The following CD79B variants were observed in gnomAD, a reference collection of about 807,000 sequenced individuals.
CD79B encodes B-cell antigen receptor complex-associated protein beta chain.
A neutral mutation model predicts 30.0 loss-of-function variants in CD79B; 7 were observed. The ratio of observed to expected loss-of-function variants is 0.23; its 90% CI spans 0.13 to 0.44. The LOEUF is 0.44. CD79B is among the 20% of genes least tolerant of loss of function. CD79B has a pLI of 1.00. For synonymous variants in CD79B, 118 were observed against 119.2 expected, an observed-to-expected ratio of 0.99 and a Z score of 0.07; for missense variants, 218 against 299.1, an observed-to-expected ratio of 0.73 and a Z score of 2.00.
chr17:63,931,377 C>A lies in CD79B; in HGVS notation c.76G>T (p.Val26Leu). 1.2e-6 allele frequency: 2 copies of A among 1,614,100 alleles called. No individual in the cohort carries two copies. Among genetic ancestry groups the A allele is most frequent in the Non-Finnish European group, 1.7e-6 (2 of 1,180,014 alleles). The change falls in exon 2 of 6, where the codon GTA becomes TTA. Residue 26 changes from valine (V) to leucine (L), a missense_variant. By Grantham distance (32) the Val-to-Leu change is conservative. Coordinates refer to ENST00000006750, the MANE Select transcript of CD79B (RefSeq NM_000626.4). ...CGGTCCTCCGATCTGGCTGCTGGTA[C>A]TGGCTCAGCTGCTGGGTGGGAGGAA... ...ALLLLLSAEP[V>L]PAARSEDRYR...
In CD79B at chr17:63,929,150, G is replaced by A; in HGVS notation, c.*76C>T. 1.0e-6 allele frequency: 1 copy of A among 999,980 alleles called. No individual in the cohort carries two copies. The highest frequency in any genetic ancestry group is 1.6e-6 in the Non-Finnish European group (1 of 624,902). 61.9% of individuals were successfully genotyped at this position (999,980 alleles called of 1,614,324 possible). On this transcript the variant is annotated 3_prime_UTR_variant, in exon 6 of 6. Coordinates refer to ENST00000006750, the MANE Select transcript of CD79B (RefSeq NM_000626.4). ...GCTGGGGGGTCCAGGAAAGGGGTTG[G>A]GCCATGAGCCAGGCAGCTCCGAAGC...
In CD79B at chr17:63,932,176, C is replaced by T. The variant is rs770040383; in HGVS notation, c.67+19G>A. 1.9e-6 allele frequency: 3 copies of T among 1,611,060 alleles called. No individual in the cohort carries two copies. The highest frequency in any genetic ancestry group is 3.3e-5 in the Admixed American group (2 of 60,022). On this transcript the variant is annotated intron_variant, in intron 1 of 5. Transcript: ENST00000006750. ...GGAGATGAGAGCAAACCCCACAGGCCTCGTCGTGGGTTCTGTACCTGAGAG... is the reference window on the plus strand; with the variant it reads ...GGAGATGAGAGCAAACCCCACAGGCTTCGTCGTGGGTTCTGTACCTGAGAG...
At position 63,930,249 on chromosome 17, in the gene CD79B, A is replaced by G. The variant is rs762226211; in HGVS notation, c.255T>C (p.Asn85=). The G allele has an allele frequency of 3.0e-5, 48 of 1,613,948 alleles. No homozygotes were observed. Among genetic ancestry groups the G allele is most frequent in the Non-Finnish European group, 3.4e-5 (40 of 1,180,004 alleles). The change falls in exon 3 of 6, where the codon AAT becomes AAC. Residue 85 remains asparagine, a synonymous_variant. Transcript: ENST00000006750. The part of the protein sequence containing the change: ...SWLWKQEMDE[N]PQQLKLEKGR... ...CCTTTTCCAGCTTCAGCTGCTGGGG[A>G]TTCTCGTCCATCTCCTGCTTCCAGA... is the stretch of plus-strand genomic sequence containing the variant.
intron 4 of CD79B, 24 bp downstream of exon 4, chr17:63,929,746 A>C: frequency 6.4e-7 from 1 of 1,553,014 alleles, no homozygotes; most frequent in Non-Finnish European, 8.8e-7. Context: ...CGGTCCCCCA[A>C]GGCTTCCCCC....
Position 63,930,149 on chromosome 17 carries a change from T to A in CD79B, c.355A>T (p.Ile119Phe). 1 of 1,614,204 alleles carries A rather than the reference T, an allele frequency of 6.2e-7. No homozygotes were observed. The highest frequency in any genetic ancestry group is 8.5e-7 in the Non-Finnish European group (1 of 1,180,024). ...TTGCACTTCTGCTGACAGAAGTAGATGCCATTGTCCTCAAACCGGATGCCT... is the reference window on the plus strand; with the variant it reads ...TTGCACTTCTGCTGACAGAAGTAGAAGCCATTGTCCTCAAACCGGATGCCT... ...IQGIRFEDNG[I>F]YFCQQKCNNT... Residue 119 changes from isoleucine (I) to phenylalanine (F), a missense_variant, in exon 3 of 6, where the codon ATC (isoleucine) becomes TTC (phenylalanine). By Grantham distance (21) the Ile-to-Phe change is conservative. Coordinates refer to ENST00000006750, the MANE Select transcript of CD79B (RefSeq NM_000626.4).
intron 1 of CD79B, chr17:63,931,741 CT>C (rs78942438): frequency 0.097 from 27,050 of 277,818 alleles, 16 homozygotes; most frequent in South Asian, 0.18. Flanking sequence ...CCCTGTCTCT[CT>C]TTTTTTTTTT....
rs200201924 is a variant in CD79B, at chr17:63,932,269, G to T, written c.-8C>A. 1 of 1,611,328 alleles carries T rather than the reference G, an allele frequency of 6.2e-7. No individual in the cohort carries two copies. The highest frequency in any genetic ancestry group is 1.7e-5 in the Admixed American group (1 of 60,024). ...CAACGCCAGCCTGGCCATGGTCACC[G>T]CTCTGTCCCCGACCCCAAACCCGTG... On this transcript the variant is annotated 5_prime_UTR_variant, in exon 1 of 6. Coordinates refer to ENST00000006750, the MANE Select transcript of CD79B (RefSeq NM_000626.4).
Position 63,930,910 on chromosome 17 carries a change from C to T in CD79B, c.118+425G>A, listed in dbSNP as rs1327435663. On this transcript the variant is annotated intron_variant, in intron 2 of 5. Transcript: ENST00000006750. The stretch of plus-strand genomic sequence containing the variant: ...TTCCCTCCTGCAGGGACTGGGTCCA[C>T]TTCTTGTTCCAGAACCCTCTTTCCA... 9.8e-6 allele frequency: 3 copies of T among 307,648 alleles called. No homozygotes were observed. In the Admixed American group the frequency reaches 1.3e-4, roughly 14 times the overall value. The allele number at this position is 307,648 out of a possible 1,614,324, so 19.1% of individuals were successfully genotyped here.
At position 63,932,250 on chromosome 17, in the gene CD79B, C is replaced by T; in HGVS notation, c.12G>A (p.Leu4=). ...AGTGGCTGGGCACAGGAGACAACGC[C>T]AGCCTGGCCATGGTCACCGCTCTGT... MAR[L]ALSPVPSHWM... Residue 4 remains leucine, a synonymous_variant, in exon 1 of 6, where the codon CTG becomes CTA. Transcript: ENST00000006750. 2 of 1,612,814 alleles carry T rather than the reference C, an allele frequency of 1.2e-6. No homozygotes were observed. The highest frequency in any genetic ancestry group is 1.7e-5 in the Admixed American group (1 of 60,028).
chr17:63,928,956 G>A lies in CD79B; in HGVS notation c.*270C>T. ...TCTCTGCCTCCCCCATCCCATGTGT[G>A]GGGACGGATCACCTCATAGCACCCC... On this transcript the variant is annotated 3_prime_UTR_variant, in exon 6 of 6. Coordinates refer to ENST00000006750, the MANE Select transcript of CD79B (RefSeq NM_000626.4). 1 of 539,174 alleles carries A rather than the reference G, an allele frequency of 1.9e-6. No individual in the cohort carries two copies. Among genetic ancestry groups the A allele is most frequent in the Non-Finnish European group, 3.4e-6 (1 of 296,354 alleles). The allele number at this position is 539,174 out of a possible 1,614,324, so 33.4% of individuals were successfully genotyped here. A position where few individuals can be genotyped will look rare whatever the true frequency, so the allele number is the denominator to read the frequency against.
At chr17:63,931,188 C>A in intron 2 of CD79B, 147 bp downstream of exon 2, 1 of 781,976 alleles carries the variant, frequency 1.3e-6, no homozygotes, top group Non-Finnish European at 2.3e-6. Context: ...CAGAGGAGAT[C>A]CTAAGGAGGC....
At position 63,929,777 on chromosome 17, in the gene CD79B, A is replaced by T. The variant is rs1908002118; in HGVS notation, c.542T>A (p.Leu181Gln). The change falls in exon 4 of 6, where the codon CTG becomes CAG. Residue 181 changes from leucine to glutamine, a missense_variant. Leu to Gln is a moderately radical substitution (Grantham distance 113). Coordinates refer to ENST00000006750, the MANE Select transcript of CD79B (RefSeq NM_000626.4). The part of the protein sequence containing the change: ...LFIIVPIFLL[L>Q]DKDDSKAGME... ...CCCCCGTCCCCTGATCACCTTGTCCAGCAGCAGGAAGATAGGCACGATGAT... is the reference window on the plus strand; with the variant it reads ...CCCCCGTCCCCTGATCACCTTGTCCTGCAGCAGGAAGATAGGCACGATGAT... 1.9e-6 allele frequency: 3 copies of T among 1,607,882 alleles called. No individual in the cohort carries two copies. The highest frequency in any genetic ancestry group is 2.5e-6 in the Non-Finnish European group (3 of 1,177,276).
rs752009987 is a variant in CD79B, at chr17:63,929,462, G to C, written c.563C>G (p.Ala188Gly). The change falls in exon 5 of 6, where the codon GCT becomes GGT. Residue 188 changes from alanine to glycine, a missense_variant. Transcript: ENST00000006750. Reference protein sequence around the residue: ...FLLLDKDDSKAGMEEDHTYEG... With the variant: ...FLLLDKDDSKGGMEEDHTYEG... The stretch of plus-strand genomic sequence containing the variant: ...GTAGGTGTGATCTTCCTCCATGCCA[G>C]CCTTGCTGTCATCCTGGGGGCGGAG... 1.2e-6 allele frequency: 2 copies of C among 1,613,796 alleles called. No individual in the cohort carries two copies. The highest frequency in any genetic ancestry group is 1.7e-6 in the Non-Finnish European group (2 of 1,180,028).
chr17:63,931,394 TGGGA>T lies in CD79B; in HGVS notation c.68-13_68-10del. 2 of 1,613,738 alleles carry T rather than the reference TGGGA, an allele frequency of 1.2e-6. No individual in the cohort carries two copies. The highest frequency in any genetic ancestry group is 1.7e-6 in the Non-Finnish European group (2 of 1,179,880). ...TGCTGGTACTGGCTCAGCTGCTGGG[TGGGA>T]GGAAGTGGGCGGGGCCAGTCAGGGC... On this transcript the variant is annotated splice_polypyrimidine_tract_variant and intron_variant, in intron 1 of 5. Coordinates refer to ENST00000006750, the MANE Select transcript of CD79B (RefSeq NM_000626.4).
intron 2 of CD79B, chr17:63,931,102 T>C: frequency 1.7e-6 from 1 of 587,244 alleles, no homozygotes. Context: ...TGACCCAGAG[T>C]TTAGCCCAGC....
intron 1 of CD79B, 114 bp downstream of exon 1, chr17:63,932,081 C>A (rs369330874): frequency 3.2e-6 from 3 of 943,244 alleles, no homozygotes; most frequent in Admixed American, 1.9e-5. Flanking sequence ...GGGAGACAGG[C>A]GGTAAAGAGT....
rs1368296095 is a variant in CD79B, at chr17:63,928,942, C to T, written c.*284G>A. On this transcript the variant is annotated 3_prime_UTR_variant, in exon 6 of 6. Transcript: ENST00000006750. ...GGGCTCTGGACCAGTCTCTGCCTCC[C>T]CCATCCCATGTGTGGGGACGGATCA... is the stretch of plus-strand genomic sequence containing the variant. 1 of 520,114 alleles carries T rather than the reference C, an allele frequency of 1.9e-6. No homozygotes were observed. Among genetic ancestry groups the T allele is most frequent in the Non-Finnish European group, 3.5e-6 (1 of 284,304 alleles). 32.2% of individuals were successfully genotyped at this position (520,114 alleles called of 1,614,324 possible). A position where few individuals can be genotyped will look rare whatever the true frequency, so the allele number is the denominator to read the frequency against.
At chr17:63,931,612 T>C (rs2144760940) in intron 1 of CD79B, among the ~76,000 whole-genome samples, 1 of 152,300 alleles carries the variant, frequency 6.6e-6, no homozygotes, top group African/African-American at 2.4e-5. Flanking sequence ...TCATGGTGGC[T>C]TTGAGCAGGC....
chr17:63,931,315 C>G lies in CD79B; in HGVS notation c.118+20G>C. 1 of 1,613,212 alleles carries G rather than the reference C, an allele frequency of 6.2e-7. No individual in the cohort carries two copies. The highest frequency in any genetic ancestry group is 1.1e-5 in the South Asian group (1 of 91,076). On this transcript the variant is annotated intron_variant, in intron 2 of 5. Coordinates refer to ENST00000006750, the MANE Select transcript of CD79B (RefSeq NM_000626.4). ...GTCGCACACAACTTGCCCTCAGAAG[C>G]GGCAGGCGAGGCTACTGACCTTTGG...
Sources: allele counts gnomAD v4.1 joint callset (sites outside exome capture counted in the v4.1 genomes callset), GRCh38; gene constraint gnomAD v4.1.1; transcripts MANE v1.5; gene names NCBI Gene and HGNC (gene_info 2026-07-23, HGNC 2026-07-21).